Variants in DKKL1 observed in about 807,000 individuals in gnomAD.
DKKL1 encodes dickkopf-like protein 1.
In DKKL1, 11 loss-of-function variants were observed where a neutral mutation model predicts 16.5. The ratio of observed to expected loss-of-function variants is 0.67; its 90% CI spans 0.42 to 1.10. The LOEUF (loss-of-function observed/expected upper bound fraction) is 1.10. Ranked by LOEUF, DKKL1 falls within the 50% of genes least tolerant of loss-of-function variation. The pLI, the probability that DKKL1 is intolerant of heterozygous loss-of-function variation, is 0.00. For synonymous variants in DKKL1, 119 were observed against 133.2 expected (o/e 0.89, Z 0.73); for missense variants, 320 against 308.1 (o/e 1.04, Z -0.29).
chr19:49,364,802 A>C, intron 2 of DKKL1, 48 bp downstream of exon 2: 1 of 1,583,880 alleles, frequency 6.3e-7, no homozygotes, highest in Non-Finnish European at 8.6e-7. Flanking sequence ...GAAGAGGTTC[A>C]GGGACACAGA....
Position 49,365,633 on chromosome 19 carries a change from A to G in DKKL1, c.308A>G (p.His103Arg), listed in dbSNP as rs767431412. The change falls in exon 3 of 5, where the codon CAC becomes CGC. Residue 103 changes from histidine to arginine, a missense_variant. By Grantham distance (29) the His-to-Arg change is conservative (BLOSUM62 0). Transcript: ENST00000221498. ...HQLGNNTLSS[H>R]LQIDKMTDNK... ...CTGGGGAACAACACCCTCTCCAGCC[A>G]CCTCCAGATCGACAAGGTGCCTATG... 1 of 1,612,620 alleles carries G rather than the reference A, an allele frequency of 6.2e-7. No individual in the cohort carries two copies. The highest frequency in any genetic ancestry group is 1.1e-5 in the South Asian group (1 of 90,740).
Position 49,364,671 on chromosome 19 carries a change from C to A in DKKL1, c.100C>A (p.His34Asn). Reference protein sequence around the residue: ...LVIPSAAAPIHDADAQESSLG... With the variant: ...LVIPSAAAPINDADAQESSLG... ...GATCCCCTCCGCTGCAGCTCCTATC[C>A]ATGATGCTGACGCCCAAGAGAGCTC... Residue 34 changes from histidine (H) to asparagine (N), a missense_variant, in exon 2 of 5, where the codon CAT becomes AAT. Physicochemically the swap from His to Asn is moderately conservative, Grantham distance 68. Transcript: ENST00000221498. 1.2e-6 allele frequency: 2 copies of A among 1,614,154 alleles called. No individual in the cohort carries two copies. The highest frequency in any genetic ancestry group is 2.2e-5 in the South Asian group (2 of 91,084).
At chr19:49,368,300 G>C (rs1173035240) in intron 4 of DKKL1, among the ~76,000 whole-genome samples, 1 of 149,848 alleles carries the variant, frequency 6.7e-6, no homozygotes, top group Non-Finnish European at 1.5e-5. Flanking sequence ...GGGACAGAGT[G>C]AGACTCTGTC....
intron 4 of DKKL1, among the ~76,000 whole-genome samples, chr19:49,372,210 G>A (rs1973518740): frequency 6.6e-6 from 1 of 152,120 alleles, no homozygotes; most frequent in African/African-American, 2.4e-5. Context: ...TATTGTGGGA[G>A]CTGCCCTGTG....
chr19:49,368,703 T>TTAGA (rs934159722), intron 4 of DKKL1: 53 of 152,266 alleles, frequency 3.5e-4, no homozygotes, highest in African/African-American at 1.2e-3. Context: ...ATCACAAGTG[T>TTAGA]TAGAAATAAT....
At position 49,374,709 on chromosome 19, in the gene DKKL1, C is replaced by G. The variant is rs376904830; in HGVS notation, c.418-8C>G. The G allele has an allele frequency of 6.6e-7, 1 of 1,518,570 alleles. No individual in the cohort carries two copies. Among genetic ancestry groups the G allele is most frequent in the African/African-American group, 1.4e-5 (1 of 71,926 alleles). The allele number at this position is 1,518,570 out of a possible 1,614,324, so 94.1% of individuals were successfully genotyped here. A position where few individuals can be genotyped will look rare whatever the true frequency, so the allele number is the denominator to read the frequency against. On this transcript the variant is annotated splice_region_variant and splice_polypyrimidine_tract_variant and intron_variant, in intron 4 of 4. Transcript: ENST00000221498. Reference sequence around the variant, plus strand: ...GTATGAGAGGGTCTCCTTGTTCTTCCTCCCCAGGTACCCAGGATGGAGGAG... The same window carrying G: ...GTATGAGAGGGTCTCCTTGTTCTTCGTCCCCAGGTACCCAGGATGGAGGAG...
Position 49,365,525 on chromosome 19 carries a change from G to A in DKKL1, c.200G>A (p.Gly67Asp). The change falls in exon 3 of 5, where the codon GGC becomes GAC. Residue 67 changes from glycine (G) to aspartate (D), a missense_variant. Transcript: ENST00000221498. ...CGGCCCCAGGGTAACCTGCTTCGGG[G>A]CATAGACAGCTTATTCTCTGCCCCC... is the stretch of plus-strand genomic sequence containing the variant. The part of the protein sequence containing the change: ...RLFLKGNLLR[G>D]IDSLFSAPMD... 6.2e-7 allele frequency: 1 copy of A among 1,610,562 alleles called. No homozygotes were observed. Among genetic ancestry groups the A allele is most frequent in the South Asian group, 1.1e-5 (1 of 90,480 alleles).
intron 1 of DKKL1, 64 bp from the exon 2 acceptor site, chr19:49,364,518 A>G: frequency 2.7e-6 from 4 of 1,461,752 alleles, no homozygotes; most frequent in Non-Finnish European, 2.8e-6. Context: ...AAGGTGCTGG[A>G]GAGGGGCGTC....
chr19:49,362,989 A>G (rs1250410386), upstream of DKKL1: 1 of 114,996 alleles, frequency 8.7e-6, no homozygotes, highest in Non-Finnish European at 1.7e-5. Flanking sequence ...ACTGATTCCT[A>G]TGACGACCTG....
At chr19:49,364,798 G>T (rs754770671) in intron 2 of DKKL1, 44 bp downstream of exon 2, 1 of 1,589,310 alleles carries the variant, frequency 6.3e-7, no homozygotes, top group Non-Finnish European at 8.6e-7. Context: ...CTGAGAAGAG[G>T]TTCAGGGACA....
chr19:49,362,720 C>G (rs1909652501), upstream of DKKL1, among the ~76,000 whole-genome samples: 1 of 150,972 alleles, frequency 6.6e-6, no homozygotes, highest in Admixed American at 6.6e-5. Context: ...GGGGCTGGGA[C>G]TCCTGGGTCT....
intron 4 of DKKL1, chr19:49,370,802 C>A (rs764858375): frequency 6.6e-6 from 1 of 152,134 alleles, no homozygotes; most frequent in Non-Finnish European, 1.5e-5. Flanking sequence ...GATGACCTGG[C>A]GGGGATGGTG....
chr19:49,367,469 C>T lies in DKKL1; in HGVS notation c.417+1584C>T, dbSNP rs146467837. On this transcript the variant is annotated intron_variant, in intron 4 of 4. Transcript: ENST00000221498. ...TCCCCCAGGCTGGAGTGCAATGGTG[C>T]GATCTCAGCTCACTGCAACCTCCAT... Among the ~76,000 whole-genome samples the T allele has an allele frequency of 6.3e-3, 930 of 146,466 alleles. 9 individuals are homozygous for T. The highest frequency in any genetic ancestry group is 0.023 in the African/African-American group (891 of 38,784).
At chr19:49,373,735 G>C (rs1973603342) in intron 4 of DKKL1, among the ~76,000 whole-genome samples, 1 of 151,996 alleles carries the variant, frequency 6.6e-6, no homozygotes, top group Non-Finnish European at 1.5e-5. Flanking sequence ...CTCGCAAAGT[G>C]CTGGATTACA....
intron 4 of DKKL1, among the ~76,000 whole-genome samples, chr19:49,373,527 T>C (rs1399340805): frequency 6.6e-6 from 1 of 152,042 alleles, no homozygotes; most frequent in Non-Finnish European, 1.5e-5. Context: ...TAGAGTGCAA[T>C]GGCACAATCT....
upstream of DKKL1, chr19:49,362,490 G>C (rs1973030900): frequency 6.6e-6 from 1 of 152,220 alleles, no homozygotes; most frequent in African/African-American, 2.4e-5. Context: ...CCCGGCCGGC[G>C]GACAGCGGGA....
chr19:49,363,536 G>A (rs1175945648), upstream of DKKL1: 6 of 322,522 alleles, frequency 1.9e-5, no homozygotes, highest in African/African-American at 4.3e-5. Flanking sequence ...GCCCAGTGCA[G>A]GGGCGTGGCT....
At chr19:49,365,711 C>T (rs1973222782) in intron 3 of DKKL1, 62 bp downstream of exon 3, 8 of 1,594,688 alleles carry the variant, frequency 5.0e-6, no homozygotes, top group African/African-American at 1.3e-5. Context: ...CGCCATCCCT[C>T]GTGCTGCAGT....
rs1973499078 is a variant in DKKL1, at chr19:49,371,771, C to A, written c.418-2946C>A. On this transcript the variant is annotated intron_variant, in intron 4 of 4. Transcript: ENST00000221498. ...CTCCTGATGCTATCCCTCCCCTGAC[C>A]CCCCACCCCCCACCGACAGGTCCTG... is the stretch of plus-strand genomic sequence containing the variant. Among the ~76,000 whole-genome samples, 3 of 152,078 alleles carry A rather than the reference C, an allele frequency of 2.0e-5. 1 individual carries two copies. The highest frequency in any genetic ancestry group is 2.0e-4 in the Admixed American group (3 of 15,260).
Sources: gnomAD v4.1 joint callset for allele counts (sites outside exome capture counted in the v4.1 genomes callset) on GRCh38, gnomAD v4.1.1 for gene constraint, MANE v1.5 for transcripts, NCBI Gene and HGNC (gene_info 2026-07-23, HGNC 2026-07-21) for gene names.